CDH12: variants seen among roughly 807,000 people sequenced by gnomAD.
The protein encoded by CDH12 is cadherin-12.
Under a neutral mutation model 74.1 loss-of-function variants are expected in CDH12, and 41 were observed. That is an observed-to-expected ratio of 0.55 (90% CI 0.43 to 0.72). The LOEUF (loss-of-function observed/expected upper bound fraction) is 0.72, where lower values mean the gene tolerates loss of function less well. Among genes scored for constraint, CDH12 ranks in the 30% least tolerant of loss-of-function variants. The pLI is 0.00. For synonymous variants in CDH12, 399 were observed against 355.0 expected (o/e 1.12, Z -1.39); for missense variants, 945 against 977.2 (o/e 0.97, Z 0.44).
chr5:22,260,632 C>T (rs7718176), intron 3 of CDH12, among the ~76,000 whole-genome samples: 12,293 of 151,882 alleles, frequency 0.081, 575 homozygotes, highest in South Asian at 0.16. Flanking sequence ...TAATTCTTAC[C>T]AGCACAGAGT....
intron 3 of CDH12, among the ~76,000 whole-genome samples, chr5:22,261,823 G>C (rs1377618423): frequency 6.8e-6 from 1 of 147,156 alleles, no homozygotes; most frequent in African/African-American, 2.5e-5. Flanking sequence ...TTTTCTCCAA[G>C]AAAATAACAC....
intron 6 of CDH12, among the ~76,000 whole-genome samples, chr5:21,936,876 A>T (rs558557516): frequency 1.3e-5 from 2 of 152,264 alleles, no homozygotes; most frequent in East Asian, 3.9e-4. Flanking sequence ...CCACAGTGTA[A>T]GACTTGCCTT....
chr5:22,688,089 C>T lies in CDH12; in HGVS notation c.-523+164969G>A, dbSNP rs1741904495. On this transcript the variant is annotated intron_variant, in intron 1 of 14. Coordinates refer to ENST00000382254, the MANE Select transcript of CDH12 (RefSeq NM_004061.5). ...CATTTGTAAGTTACCAGCTGTGTGACTGACAGGACTCTTTTCCCCTACATA... is the reference window on the plus strand; with the variant it reads ...CATTTGTAAGTTACCAGCTGTGTGATTGACAGGACTCTTTTCCCCTACATA... Among the ~76,000 whole-genome samples the T allele has an allele frequency of 1.2e-4, 19 of 152,062 alleles. No individual in the cohort carries two copies. The South Asian group carries it at 3.9e-3, about 32-fold the overall frequency.
chr5:22,174,879 A>G (rs1749243991), intron 4 of CDH12, among the ~76,000 whole-genome samples: 1 of 152,012 alleles, frequency 6.6e-6, no homozygotes, highest in Non-Finnish European at 1.5e-5. Context: ...TTTAAATTGT[A>G]TTAATTTTGA....
chr5:22,618,840 C>T (rs541848583), intron 1 of CDH12, among the ~76,000 whole-genome samples: 1 of 152,042 alleles, frequency 6.6e-6, no homozygotes, highest in South Asian at 2.1e-4. Context: ...TTCCATGCTG[C>T]TCTCATGATA....
At chr5:22,282,625 C>G (rs1029366281) in intron 3 of CDH12, among the ~76,000 whole-genome samples, 1 of 152,020 alleles carries the variant, frequency 6.6e-6, no homozygotes, top group Non-Finnish European at 1.5e-5. Context: ...ATGAGGCCAA[C>G]AAACATATGA....
intron 3 of CDH12, among the ~76,000 whole-genome samples, chr5:22,400,207 A>C (rs1742669137): frequency 6.6e-6 from 1 of 152,062 alleles, no homozygotes; most frequent in Admixed American, 6.6e-5. Context: ...TAAGCCTGGT[A>C]TTCTTTTGTC....
In CDH12 at chr5:21,833,031, T is replaced by C. The variant is rs969789405; in HGVS notation, c.814+9130A>G. 2.1e-4 allele frequency among the ~76,000 whole-genome samples: 12 copies of C among 56,286 alleles called. 1 individual carries two copies. The highest frequency in any genetic ancestry group is 6.2e-4 in the East Asian group (1 of 1,610). 36.9% of individuals were successfully genotyped at this position (56,286 alleles called of 152,430 possible). A position where few individuals can be genotyped will look rare whatever the true frequency, so the allele number is the denominator to read the frequency against. On this transcript the variant is annotated intron_variant, in intron 8 of 14. Transcript: ENST00000382254. ...ATATAATATATGATATAATATATAA[T>C]ATATAATATATAATATATATTATAT... is the stretch of plus-strand genomic sequence containing the variant.
chr5:22,830,003 T>C (rs185141464), intron 1 of CDH12, among the ~76,000 whole-genome samples: 1 of 152,344 alleles, frequency 6.6e-6, no homozygotes, highest in East Asian at 1.9e-4. Flanking sequence ...TATTAGGTTA[T>C]ATAATATTTT....
intron 5 of CDH12, among the ~76,000 whole-genome samples, chr5:22,030,452 T>C (rs1000183167): frequency 6.6e-6 from 1 of 152,110 alleles, no homozygotes; most frequent in African/African-American, 2.4e-5. Flanking sequence ...GCAGTAATAT[T>C]TTGATAGGAA....
chr5:22,061,975 A>C (rs892152727), intron 5 of CDH12, among the ~76,000 whole-genome samples: 1 of 152,170 alleles, frequency 6.6e-6, no homozygotes, highest in African/African-American at 2.4e-5. Context: ...ATAAATAAGA[A>C]AGAGATGTGG....
intron 2 of CDH12, among the ~76,000 whole-genome samples, chr5:22,476,278 T>A (rs191649208): frequency 6.6e-6 from 1 of 152,222 alleles, no homozygotes; most frequent in Non-Finnish European, 1.5e-5. Context: ...TGTAGCTATA[T>A]AAATAACCTG....
chr5:21,752,277 GA>G (rs1385601426), intron 14 of CDH12, 41 bp from the exon 15 acceptor site: 1 of 1,534,974 alleles, frequency 6.5e-7, no homozygotes, highest in East Asian at 2.3e-5. Context: ...ATAGAAAGCA[GA>G]TAGGTCATTT....
At chr5:22,484,536 G>A (rs1746510226) in intron 2 of CDH12, among the ~76,000 whole-genome samples, 1 of 152,200 alleles carries the variant, frequency 6.6e-6, no homozygotes, top group Non-Finnish European at 1.5e-5. Flanking sequence ...TGGAAGGAAA[G>A]ACGATCACCA....
intron 3 of CDH12, among the ~76,000 whole-genome samples, chr5:22,385,160 T>C (rs1334076768): frequency 6.6e-6 from 1 of 152,200 alleles, no homozygotes; most frequent in Non-Finnish European, 1.5e-5. Context: ...TATTAAACTG[T>C]GATTCTTTAG....
chr5:22,129,225 G>A (rs1320078928), intron 4 of CDH12, among the ~76,000 whole-genome samples: 1 of 152,164 alleles, frequency 6.6e-6, no homozygotes, highest in African/African-American at 2.4e-5. Flanking sequence ...TTTGTGACTT[G>A]TGTGACGGTA....
intron 1 of CDH12, among the ~76,000 whole-genome samples, chr5:22,757,954 G>T (rs1381942379): frequency 6.6e-6 from 1 of 152,168 alleles, no homozygotes. Context: ...GGTATAGAAA[G>T]GAGAGGCTCC....
chr5:22,011,132 G>A (rs975358589), intron 5 of CDH12, among the ~76,000 whole-genome samples: 1 of 152,078 alleles, frequency 6.6e-6, no homozygotes, highest in Non-Finnish European at 1.5e-5. Flanking sequence ...CAGATGGAGA[G>A]GTTAGTGAAA....
At chr5:21,906,771 C>T (rs1753660374) in intron 6 of CDH12, among the ~76,000 whole-genome samples, 1 of 152,154 alleles carries the variant, frequency 6.6e-6, no homozygotes, top group Admixed American at 6.6e-5. Flanking sequence ...TTTTCTGATA[C>T]CCTGCCCTCT....
Sources: allele counts gnomAD v4.1 joint callset (sites outside exome capture counted in the v4.1 genomes callset), GRCh38; gene constraint gnomAD v4.1.1; transcripts MANE v1.5; gene names NCBI Gene and HGNC (gene_info 2026-07-23, HGNC 2026-07-21).